CHKA: variants seen among roughly 807,000 people sequenced by gnomAD.
CHKA encodes the protein choline kinase alpha.
Under a neutral mutation model 60.1 loss-of-function variants are expected in CHKA, and 34 were observed. That is an observed-to-expected ratio of 0.57 (90% CI 0.43 to 0.75). The LOEUF (loss-of-function observed/expected upper bound fraction) is 0.75. CHKA is among the 30% of genes least tolerant of loss of function. CHKA has a pLI of 0.00. For synonymous variants in CHKA, 217 were observed against 223.1 expected, an observed-to-expected ratio of 0.97 and a Z score of 0.24; for missense variants, 563 against 561.3, an observed-to-expected ratio of 1.00 and a Z score of -0.03.
chr11:68,065,691 AC>A, intron 9 of CHKA, 94 bp downstream of exon 9: 2 of 849,248 alleles, frequency 2.4e-6, no homozygotes, highest in East Asian at 5.0e-5. Flanking sequence ...ACAGAGTGAG[AC>A]CCTGCCTCAA....
At chr11:68,100,157 G>GT (rs1168427061) in intron 1 of CHKA, among the ~76,000 whole-genome samples, 1 of 152,210 alleles carries the variant, frequency 6.6e-6, no homozygotes, top group Non-Finnish European at 1.5e-5. Flanking sequence ...TAGCAAAAAT[G>GT]TAACAGTTCA....
intron 1 of CHKA, among the ~76,000 whole-genome samples, chr11:68,118,303 T>C (rs1369343902): frequency 1.3e-5 from 2 of 152,064 alleles, no homozygotes; most frequent in Non-Finnish European, 2.9e-5. Flanking sequence ...TAGCCAGTAA[T>C]GGTGGTGCGT....
chr11:68,072,640 A>C (rs1209178383), intron 4 of CHKA, among the ~76,000 whole-genome samples: 1 of 152,064 alleles, frequency 6.6e-6, no homozygotes, highest in Non-Finnish European at 1.5e-5. Flanking sequence ...GGTCAAAAAC[A>C]GTCAAACACC....
chr11:68,119,363 C>T (rs1002967510), intron 1 of CHKA, among the ~76,000 whole-genome samples: 27 of 152,232 alleles, frequency 1.8e-4, no homozygotes, highest in African/African-American at 6.5e-4. Context: ...ATCAAATGAC[C>T]AAAACTGGAC....
chr11:68,111,380 C>T (rs1479092939), intron 1 of CHKA, among the ~76,000 whole-genome samples: 1 of 151,592 alleles, frequency 6.6e-6, no homozygotes. Flanking sequence ...CCATTGCACT[C>T]CAGCCTGGGC....
chr11:68,113,202 G>C (rs1051490664), intron 1 of CHKA, among the ~76,000 whole-genome samples: 3 of 150,418 alleles, frequency 2.0e-5, no homozygotes, highest in Non-Finnish European at 4.4e-5. Flanking sequence ...CCAGATACTT[G>C]GGAGACTGAG....
intron 3 of CHKA, among the ~76,000 whole-genome samples, chr11:68,075,399 C>T (rs1339755414): frequency 6.6e-6 from 1 of 151,854 alleles, no homozygotes; most frequent in Non-Finnish European, 1.5e-5. Context: ...TTGGCACACC[C>T]GACCTTTTCC....
intron 4 of CHKA, 66 bp downstream of exon 4, chr11:68,074,651 A>G: frequency 1.2e-5 from 16 of 1,380,230 alleles, no homozygotes; most frequent in Non-Finnish European, 1.7e-5. Context: ...TCTTGCAGCA[A>G]TGAGACAAAG....
intron 2 of CHKA, among the ~76,000 whole-genome samples, chr11:68,088,802 C>A (rs1055251097): frequency 6.6e-6 from 1 of 152,152 alleles, no homozygotes; most frequent in South Asian, 2.1e-4. Context: ...TCGCCTCAGC[C>A]TCCCAAAGTG....
chr11:68,119,421 C>A (rs553177051), intron 1 of CHKA, among the ~76,000 whole-genome samples: 138 of 152,176 alleles, frequency 9.1e-4, no homozygotes, highest in Admixed American at 2.4e-3. Context: ...AGATACTGCA[C>A]ACAACCTGTC....
chr11:68,119,174 A>C (rs1164900419), intron 1 of CHKA, among the ~76,000 whole-genome samples: 1 of 152,240 alleles, frequency 6.6e-6, no homozygotes, highest in African/African-American at 2.4e-5. Context: ...TAAGCAATTC[A>C]GGGATTATCT....
At position 68,110,384 on chromosome 11, in the gene CHKA, A is replaced by G. The variant is rs1195414099; in HGVS notation, c.350+10444T>C. 3.9e-5 allele frequency among the ~76,000 whole-genome samples: 6 copies of G among 152,322 alleles called. No homozygotes were observed. In the East Asian group the frequency reaches 1.2e-3, roughly 29 times the overall value. ...GAAGTGAAAAAAAATTTCTGGAATA[A>G]GAGATTATATAGCAGGACTGCAAGA... On this transcript the variant is annotated intron_variant, in intron 1 of 11. Coordinates refer to ENST00000265689, the MANE Select transcript of CHKA (RefSeq NM_001277.3).
chr11:68,082,532 G>A (rs1422884695), intron 2 of CHKA: 2 of 152,496 alleles, frequency 1.3e-5, no homozygotes, highest in Non-Finnish European at 1.5e-5. Context: ...TGTACCAAGG[G>A]TGGAAAGTGT....
intron 6 of CHKA, among the ~76,000 whole-genome samples, chr11:68,069,157 G>A (rs978890997): frequency 3.3e-5 from 5 of 151,994 alleles, no homozygotes; most frequent in African/African-American, 9.7e-5. Context: ...TGCATGTGCC[G>A]CTCCCTCCTG....
intron 1 of CHKA, among the ~76,000 whole-genome samples, chr11:68,110,161 C>G (rs1858079183): frequency 1.3e-5 from 2 of 152,108 alleles, no homozygotes; most frequent in Non-Finnish European, 2.9e-5. Context: ...AAACCTACAG[C>G]TAACATTATA....
intron 1 of CHKA, 86 bp from the exon 2 acceptor site, chr11:68,097,216 G>A (rs1857543538): frequency 5.2e-6 from 5 of 968,344 alleles, no homozygotes; most frequent in Non-Finnish European, 8.0e-6. Context: ...AAAAGTCAGG[G>A]TTACACAAGA....
rs1555011903 is a variant in CHKA at position 68,096,987 on chromosome 11, T to TA, written c.462+31_462+32insT. ...AAGAGGATTTAAAATGTTAACAGGA[T>TA]CCCCCCCTCCCAAAGTAGCCTACCA... is the stretch of plus-strand genomic sequence containing the variant. On this transcript the variant is annotated intron_variant, in intron 2 of 11. Transcript: ENST00000265689. The TA allele has an allele frequency of 5.5e-6, 8 of 1,461,130 alleles. No individual in the cohort carries two copies. In the South Asian group the frequency reaches 9.3e-5, roughly 17 times the overall value. The allele number at this position is 1,461,130 out of a possible 1,614,324, so 90.5% of individuals were successfully genotyped here. A position where few individuals can be genotyped will look rare whatever the true frequency, so the allele number is the denominator to read the frequency against.
At chr11:68,120,229 C>CAA (rs148814034) in intron 1 of CHKA, among the ~76,000 whole-genome samples, 11 of 116,368 alleles carry the variant, frequency 9.5e-5, no homozygotes, top group East Asian at 2.6e-4. Context: ...AACTCCGTCT[C>CAA]AAAAAAAAAA....
chr11:68,086,052 C>T (rs558806945), intron 2 of CHKA, among the ~76,000 whole-genome samples: 5 of 152,214 alleles, frequency 3.3e-5, no homozygotes, highest in African/African-American at 4.8e-5. Context: ...CGGTGGCTCA[C>T]GCCTGTAATC....
Sources: gnomAD v4.1 joint callset for allele counts (sites outside exome capture counted in the v4.1 genomes callset) on GRCh38, gnomAD v4.1.1 for gene constraint, MANE v1.5 for transcripts, NCBI Gene and HGNC (gene_info 2026-07-23, HGNC 2026-07-21) for gene names.